Variants in ZNF804B observed in about 807,000 individuals in gnomAD.
The protein encoded by ZNF804B is zinc finger protein 804B, also known as zinc finger 804B.
Under a neutral mutation model 101.4 loss-of-function variants are expected in ZNF804B, and 80 were observed. The ratio of observed to expected loss-of-function variants is 0.79; its 90% CI spans 0.66 to 0.95. ZNF804B has a LOEUF of 0.95. ZNF804B is among the 40% of genes least tolerant of loss of function. ZNF804B has a pLI of 0.00. For missense variants in ZNF804B, 1,673 were observed against 1,561.9 expected (o/e 1.07, Z -1.20); for synonymous variants, 622 against 558.8 (o/e 1.11, Z -1.59).
chr7:88,877,028 TATATATATATATATA>T (rs1791957244), intron 1 of ZNF804B, among the ~76,000 whole-genome samples: 2 of 36,302 alleles, frequency 5.5e-5, no homozygotes, highest in Admixed American at 4.6e-4. Context: ...ATATATATAA[TATATATATATATATA>T]TATATATTTT....
intron 1 of ZNF804B, among the ~76,000 whole-genome samples, chr7:89,058,130 G>A (rs908444251): frequency 2.0e-5 from 3 of 151,996 alleles, no homozygotes; most frequent in Non-Finnish European, 4.4e-5. Context: ...ATGCTTACTT[G>A]CCCTTAGTGA....
intron 1 of ZNF804B, among the ~76,000 whole-genome samples, chr7:88,806,515 C>G (rs148056357): frequency 6.6e-6 from 1 of 151,902 alleles, no homozygotes; most frequent in Non-Finnish European, 1.5e-5. Context: ...GAGAAATAGC[C>G]TGGCCTAGTC....
intron 2 of ZNF804B, among the ~76,000 whole-genome samples, chr7:89,277,424 C>G (rs1304688219): frequency 7.2e-6 from 1 of 138,378 alleles, no homozygotes; most frequent in Admixed American, 7.5e-5. Flanking sequence ...GTGCGCTGCA[C>G]CCACTAACTT....
intron 1 of ZNF804B, among the ~76,000 whole-genome samples, chr7:89,033,526 G>A (rs1213234828): frequency 1.3e-5 from 2 of 151,994 alleles, no homozygotes; most frequent in Non-Finnish European, 2.9e-5. Context: ...AGTATTTTGT[G>A]GAACCTACAC....
chr7:88,942,523 TG>T (rs1793069849), intron 1 of ZNF804B, among the ~76,000 whole-genome samples: 4 of 150,746 alleles, frequency 2.7e-5, no homozygotes, highest in Non-Finnish European at 4.4e-5. Context: ...TGTGTGTGTG[TG>T]TGTGTGTTTT....
At chr7:88,955,596 C>A (rs1359497328) in intron 1 of ZNF804B, among the ~76,000 whole-genome samples, 1 of 151,524 alleles carries the variant, frequency 6.6e-6, no homozygotes, top group African/African-American at 2.4e-5. Flanking sequence ...TAGTAAAAAG[C>A]CTATTTTTGG....
At chr7:89,182,299 C>T (rs1584037291) in intron 1 of ZNF804B, among the ~76,000 whole-genome samples, 1 of 152,212 alleles carries the variant, frequency 6.6e-6, no homozygotes, top group East Asian at 1.9e-4. Flanking sequence ...TTGAATTTGA[C>T]CTTTTCAGCA....
intron 1 of ZNF804B, among the ~76,000 whole-genome samples, chr7:88,771,011 G>A (rs10269121): frequency 0.02 from 3,103 of 152,162 alleles, 101 homozygotes; most frequent in African/African-American, 0.071. Flanking sequence ...TTATATTCTT[G>A]ATAAGGTGGT....
intron 1 of ZNF804B, among the ~76,000 whole-genome samples, chr7:88,971,645 G>T (rs1384226589): frequency 6.6e-6 from 1 of 151,580 alleles, no homozygotes; most frequent in Non-Finnish European, 1.5e-5. Flanking sequence ...ACACATAATT[G>T]TAACCTAAGA....
At chr7:89,141,107 A>C (rs1790710053) in intron 1 of ZNF804B, among the ~76,000 whole-genome samples, 1 of 152,066 alleles carries the variant, frequency 6.6e-6, no homozygotes, top group African/African-American at 2.4e-5. Flanking sequence ...TGGAGCAGAG[A>C]GAACACACAG....
intron 1 of ZNF804B, among the ~76,000 whole-genome samples, chr7:88,832,308 T>C (rs1047112079): frequency 1.3e-5 from 2 of 152,042 alleles, no homozygotes; most frequent in African/African-American, 4.8e-5. Context: ...TATCAAACAT[T>C]AATCATTATA....
intron 2 of ZNF804B, among the ~76,000 whole-genome samples, chr7:89,282,628 G>A (rs866116261): frequency 4.1e-4 from 62 of 152,160 alleles, no homozygotes; most frequent in Admixed American, 9.2e-4. Flanking sequence ...CTTTGCTGCT[G>A]TGATCAAAAT....
chr7:89,128,240 T>C (rs1241864056), intron 1 of ZNF804B, among the ~76,000 whole-genome samples: 1 of 151,924 alleles, frequency 6.6e-6, no homozygotes, highest in Non-Finnish European at 1.5e-5. Flanking sequence ...AGACATGTAG[T>C]TGTTAAGCAA....
intron 1 of ZNF804B, among the ~76,000 whole-genome samples, chr7:89,014,284 C>T (rs745576456): frequency 3.9e-5 from 6 of 152,000 alleles, no homozygotes; most frequent in East Asian, 3.9e-4. Flanking sequence ...TTTTGATTTA[C>T]GTTTCCCTGA....
intron 1 of ZNF804B, among the ~76,000 whole-genome samples, chr7:88,888,459 CG>C (rs1261352043): frequency 6.6e-6 from 1 of 152,004 alleles, no homozygotes; most frequent in Non-Finnish European, 1.5e-5. Flanking sequence ...CAATGATTTA[CG>C]TATTTATGAT....
chr7:89,008,492 A>C (rs1035077001), intron 1 of ZNF804B, among the ~76,000 whole-genome samples: 4 of 152,166 alleles, frequency 2.6e-5, no homozygotes, highest in African/African-American at 9.7e-5. Flanking sequence ...TCTAACAAAC[A>C]CATATTATTG....
chr7:89,219,712 A>G (rs1788952480), intron 2 of ZNF804B, among the ~76,000 whole-genome samples: 1 of 131,498 alleles, frequency 7.6e-6, no homozygotes, highest in African/African-American at 3.0e-5. Flanking sequence ...CCTGATACCA[A>G]ATGGACCTGG....
At chr7:89,224,185 T>C (rs1031927863) in intron 2 of ZNF804B, among the ~76,000 whole-genome samples, 3 of 151,924 alleles carry the variant, frequency 2.0e-5, no homozygotes, top group Admixed American at 6.6e-5. Flanking sequence ...ATAAAAAATA[T>C]CTTTAATAAT....
At chr7:88,866,148 A>G (rs1791724074) in intron 1 of ZNF804B, among the ~76,000 whole-genome samples, 1 of 152,232 alleles carries the variant, frequency 6.6e-6, no homozygotes, top group Non-Finnish European at 1.5e-5. Flanking sequence ...CTGGAAAAAA[A>G]GGCCAGAAAA....
Sources: gnomAD v4.1 joint callset for allele counts (sites outside exome capture counted in the v4.1 genomes callset) on GRCh38, gnomAD v4.1.1 for gene constraint, MANE v1.5 for transcripts, NCBI Gene and HGNC (gene_info 2026-07-23, HGNC 2026-07-21) for gene names.